Variants in ANO2 observed in about 807,000 individuals in gnomAD.
ANO2 encodes the protein anoctamin-2.
A neutral mutation model predicts 124.2 loss-of-function variants in ANO2; 101 were observed. That is an observed-to-expected ratio of 0.81 (90% CI 0.69 to 0.96). The LOEUF (loss-of-function observed/expected upper bound fraction) is 0.96, where lower values mean the gene tolerates loss of function less well. ANO2 is among the 40% of genes least tolerant of loss of function. The pLI, the probability that ANO2 is intolerant of heterozygous loss-of-function variation, is 0.00. For synonymous variants in ANO2, 486 were observed against 482.5 expected, an observed-to-expected ratio of 1.01 and a Z score of -0.09; for missense variants, 1,293 against 1,274.5, an observed-to-expected ratio of 1.01 and a Z score of -0.22.
intron 14 of ANO2, among the ~76,000 whole-genome samples, chr12:5,729,675 T>A: frequency 7.1e-6 from 1 of 140,596 alleles, no homozygotes; most frequent in Admixed American, 7.4e-5. Context: ...CCAAGAAAAA[T>A]GAAAGCATAC....
At chr12:5,804,967 AGGTGAGATGT>A (rs1346966965) in intron 9 of ANO2, among the ~76,000 whole-genome samples, 2 of 151,988 alleles carry the variant, frequency 1.3e-5, no homozygotes, top group African/African-American at 4.8e-5. Flanking sequence ...TGGGCGAGAG[AGGTGAGATGT>A]GGTGAGACAT....
At chr12:5,664,855 C>T (rs568672846) in intron 14 of ANO2, among the ~76,000 whole-genome samples, 13 of 152,316 alleles carry the variant, frequency 8.5e-5, no homozygotes, top group African/African-American at 2.4e-4. Context: ...AAGTCCTGTA[C>T]TATTTTCAGT....
At chr12:5,618,709 T>G (rs1944963357) in intron 16 of ANO2, among the ~76,000 whole-genome samples, 1 of 152,196 alleles carries the variant, frequency 6.6e-6, no homozygotes, top group Non-Finnish European at 1.5e-5. Context: ...TAAGAAATAT[T>G]TGTACTTGGC....
At chr12:5,806,857 A>T (rs890880579) in intron 8 of ANO2, among the ~76,000 whole-genome samples, 1 of 152,200 alleles carries the variant, frequency 6.6e-6, no homozygotes, top group Non-Finnish European at 1.5e-5. Context: ...GGAATTTCAC[A>T]TCTGCACAAA....
At chr12:5,897,669 G>A (rs1353893502) in intron 3 of ANO2, among the ~76,000 whole-genome samples, 5 of 151,682 alleles carry the variant, frequency 3.3e-5, no homozygotes, top group South Asian at 2.1e-4. Context: ...AATAAATGAC[G>A]TTGGGTTAAT....
At chr12:5,610,742 A>ATG (rs2042212963) in intron 19 of ANO2, among the ~76,000 whole-genome samples, 1 of 141,708 alleles carries the variant, frequency 7.1e-6, no homozygotes, top group Non-Finnish European at 1.5e-5. Flanking sequence ...ATATATATAT[A>ATG]TGAAAATAAA....
chr12:5,620,874 T>C (rs1234928573), intron 16 of ANO2, among the ~76,000 whole-genome samples: 1 of 152,174 alleles, frequency 6.6e-6, no homozygotes, highest in East Asian at 1.9e-4. Flanking sequence ...TCTATAGTTA[T>C]GTATGTTAGC....
chr12:5,701,057 G>C (rs1403688049), intron 14 of ANO2, among the ~76,000 whole-genome samples: 2 of 146,374 alleles, frequency 1.4e-5, no homozygotes, highest in African/African-American at 5.0e-5. Flanking sequence ...TTCTTACAGG[G>C]TAAATCCTCT....
intron 4 of ANO2, among the ~76,000 whole-genome samples, chr12:5,833,934 C>T (rs1027779185): frequency 6.6e-6 from 1 of 152,022 alleles, no homozygotes; most frequent in African/African-American, 2.4e-5. Flanking sequence ...CCGCCTTATC[C>T]CTTGAAGCCC....
At chr12:5,829,939 T>A (rs1033197270) in intron 6 of ANO2, among the ~76,000 whole-genome samples, 2 of 152,180 alleles carry the variant, frequency 1.3e-5, no homozygotes, top group Non-Finnish European at 2.9e-5. Flanking sequence ...CTAACTAGCA[T>A]TCCTTGTTAT....
chr12:5,928,506 C>G (rs1942199473), intron 1 of ANO2, among the ~76,000 whole-genome samples: 1 of 147,106 alleles, frequency 6.8e-6, no homozygotes, highest in South Asian at 2.2e-4. Flanking sequence ...GTCTACTTTC[C>G]TTCCTCTCTA....
intron 10 of ANO2, among the ~76,000 whole-genome samples, chr12:5,756,420 T>C (rs1462085779): frequency 1.3e-5 from 2 of 152,184 alleles, no homozygotes; most frequent in Non-Finnish European, 2.9e-5. Flanking sequence ...TCCTGATTCT[T>C]TGTGATCCTT....
intron 14 of ANO2, among the ~76,000 whole-genome samples, chr12:5,720,909 G>C (rs1479183132): frequency 6.6e-6 from 1 of 152,214 alleles, no homozygotes; most frequent in Admixed American, 6.5e-5. Context: ...CTGATGCTAA[G>C]AATCAACTCT....
intron 3 of ANO2, among the ~76,000 whole-genome samples, chr12:5,918,087 C>T (rs942594289): frequency 6.6e-6 from 1 of 151,526 alleles, no homozygotes; most frequent in African/African-American, 2.4e-5. Flanking sequence ...CGCACCACAG[C>T]TCCCACATTG....
chr12:5,935,033 G>A (rs560894554), intron 1 of ANO2, among the ~76,000 whole-genome samples: 153 of 152,258 alleles, frequency 1.0e-3, no homozygotes, highest in African/African-American at 3.5e-3. Flanking sequence ...GCAGACATGA[G>A]GGATAGGAAC....
chr12:5,902,487 G>A (rs1056647743), intron 3 of ANO2, among the ~76,000 whole-genome samples: 9 of 147,568 alleles, frequency 6.1e-5, no homozygotes, highest in African/African-American at 1.8e-4. Context: ...CTACCCAGGA[G>A]GCCAAGGCGG....
chr12:5,747,088 GC>G (rs931786070), intron 11 of ANO2, among the ~76,000 whole-genome samples: 29 of 152,334 alleles, frequency 1.9e-4, no homozygotes, highest in African/African-American at 7.0e-4. Context: ...TTGATGTTGT[GC>G]CGTAGTTACA....
At chr12:5,728,440 C>T (rs900566709) in intron 14 of ANO2, among the ~76,000 whole-genome samples, 12 of 151,844 alleles carry the variant, frequency 7.9e-5, no homozygotes, top group Non-Finnish European at 1.6e-4. Flanking sequence ...ATAAATTTAA[C>T]AAAATATGTA....
intron 23 of ANO2, among the ~76,000 whole-genome samples, chr12:5,569,188 G>A (rs564448871): frequency 3.3e-5 from 5 of 152,292 alleles, no homozygotes; most frequent in Non-Finnish European, 7.4e-5. Flanking sequence ...CTCTGTCCAG[G>A]TAAATAGCAT....
Sources: gnomAD v4.1 joint callset for allele counts (sites outside exome capture counted in the v4.1 genomes callset) on GRCh38, gnomAD v4.1.1 for gene constraint, MANE v1.5 for transcripts, NCBI Gene and HGNC (gene_info 2026-07-23, HGNC 2026-07-21) for gene names.